The following TFCP2L1 variants were observed in gnomAD, a reference collection of about 807,000 sequenced individuals.
TFCP2L1 encodes the protein transcription factor CP2 like 1.
A neutral mutation model predicts 72.2 loss-of-function variants in TFCP2L1; 12 were observed. That is an observed-to-expected ratio of 0.17 (90% CI 0.11 to 0.27). The LOEUF is 0.27. TFCP2L1 is among the 10% of genes least tolerant of loss of function. The probability of loss-of-function intolerance (pLI) is 1.00; values close to 1 mark genes in which losing one functional copy is unlikely to be tolerated. For missense variants in TFCP2L1, 488 were observed against 624.6 expected (o/e 0.78, Z 2.33); for synonymous variants, 260 against 251.0 (o/e 1.04, Z -0.34).
chr2:121,228,306 G>A (rs1686071912), intron 13 of TFCP2L1, among the ~76,000 whole-genome samples: 1 of 152,170 alleles, frequency 6.6e-6, no homozygotes, highest in South Asian at 2.1e-4. Context: ...CTTCACAAAA[G>A]GAAATTCATT....
intron 6 of TFCP2L1, among the ~76,000 whole-genome samples, chr2:121,244,184 C>T (rs990924180): frequency 6.6e-6 from 1 of 152,176 alleles, no homozygotes; most frequent in Non-Finnish European, 1.5e-5. Flanking sequence ...AGACCATGGC[C>T]GAGCCTGCAT....
At chr2:121,256,497 G>T (rs1686722623) in intron 2 of TFCP2L1, among the ~76,000 whole-genome samples, 1 of 152,144 alleles carries the variant, frequency 6.6e-6, no homozygotes, top group Non-Finnish European at 1.5e-5. Context: ...AGGTGGGCAG[G>T]CCGGGCACAG....
intron 12 of TFCP2L1, among the ~76,000 whole-genome samples, chr2:121,233,467 C>G (rs918942156): frequency 1.1e-4 from 16 of 152,152 alleles, no homozygotes; most frequent in African/African-American, 3.9e-4. Context: ...GCCCAGCCTA[C>G]TTTTTCAATA....
intron 10 of TFCP2L1, among the ~76,000 whole-genome samples, chr2:121,235,766 C>T (rs908367908): frequency 2.0e-5 from 3 of 151,446 alleles, no homozygotes; most frequent in African/African-American, 7.3e-5. Context: ...TAGATGTCAT[C>T]AGCACAGGGC....
intron 6 of TFCP2L1, among the ~76,000 whole-genome samples, chr2:121,243,087 G>C (rs924816670): frequency 2.0e-5 from 3 of 152,248 alleles, no homozygotes; most frequent in East Asian, 3.9e-4. Flanking sequence ...ATCCAAGTGA[G>C]AGTGGCCAAG....
At chr2:121,239,193 C>T (rs776875018) in intron 8 of TFCP2L1, among the ~76,000 whole-genome samples, 1 of 152,128 alleles carries the variant, frequency 6.6e-6, no homozygotes, top group Non-Finnish European at 1.5e-5. Flanking sequence ...CACTCAGTGA[C>T]CATGCTGGAC....
chr2:121,266,688 G>T (rs1686936690), intron 2 of TFCP2L1, among the ~76,000 whole-genome samples: 1 of 152,104 alleles, frequency 6.6e-6, no homozygotes, highest in African/African-American at 2.4e-5. Context: ...CTCAATCGAG[G>T]AAGTCTATCA....
At position 121,216,686 on chromosome 2, in the gene TFCP2L1, T is replaced by C. The variant is rs557923706; in HGVS notation, c.*7655A>G. On this transcript the variant is annotated 3_prime_UTR_variant, in exon 15 of 15. Coordinates refer to ENST00000263707, the MANE Select transcript of TFCP2L1 (RefSeq NM_014553.3). ...ATGGTACAGTAACAAGTGCAAAATA[T>C]GCTTTATTTCAGGTACAAAAACATG... The C allele has an allele frequency of 6.6e-6, 1 of 152,270 alleles. No individual in the cohort carries two copies. Among genetic ancestry groups the C allele is most frequent in the Admixed American group, 6.5e-5 (1 of 15,276 alleles). The allele number at this position is 152,270 out of a possible 1,614,324, so 9.4% of individuals were successfully genotyped here.
At chr2:121,262,902 T>A in intron 2 of TFCP2L1, among the ~76,000 whole-genome samples, 1 of 152,190 alleles carries the variant, frequency 6.6e-6, no homozygotes, top group Non-Finnish European at 1.5e-5. Context: ...GCTCTCATAC[T>A]GGGAATATTA....
rs549495609 is a variant in TFCP2L1 at position 121,251,913 on chromosome 2, G to A, written c.215-2266C>T. Among the ~76,000 whole-genome samples, 12 of 152,246 alleles carry A rather than the reference G, an allele frequency of 7.9e-5. 1 individual carries two copies. The South Asian group carries it at 2.3e-3, about 29-fold the overall frequency. On this transcript the variant is annotated intron_variant, in intron 2 of 14. Transcript: ENST00000263707. ...CCTAAAACCAATGGAAAGGACATCT[G>A]GCTATATAAAATTTAAAATTACTTC...
Position 121,248,361 on chromosome 2 carries a change from C to T in TFCP2L1, c.398-91G>A, listed in dbSNP as rs757839398. ...CCCCTGTTACAGGTCCCAATTCCTT[C>T]GCCCCAATTTGCAATGCCAAAAGCT... On this transcript the variant is annotated intron_variant, in intron 4 of 14. Coordinates refer to ENST00000263707, the MANE Select transcript of TFCP2L1 (RefSeq NM_014553.3). The T allele has an allele frequency of 1.8e-5, 19 of 1,042,724 alleles. 1 individual carries two copies. The highest frequency in any genetic ancestry group is 1.2e-4 in the South Asian group (7 of 59,230). 64.6% of individuals were successfully genotyped at this position (1,042,724 alleles called of 1,614,324 possible). A position where few individuals can be genotyped will look rare whatever the true frequency, so the allele number is the denominator to read the frequency against.
chr2:121,231,297 T>C (rs1369184190), intron 13 of TFCP2L1, among the ~76,000 whole-genome samples: 1 of 152,244 alleles, frequency 6.6e-6, no homozygotes, highest in African/African-American at 2.4e-5. Flanking sequence ...ACCCGCTTCT[T>C]AGCCATGAGC....
At chr2:121,226,074 G>A (rs1315119466) in intron 13 of TFCP2L1, among the ~76,000 whole-genome samples, 2 of 144,000 alleles carry the variant, frequency 1.4e-5, no homozygotes, top group Non-Finnish European at 3.0e-5. Flanking sequence ...CTACACACAC[G>A]GGAACACGGT....
At chr2:121,230,660 C>G (rs1220182369) in intron 13 of TFCP2L1, among the ~76,000 whole-genome samples, 1 of 151,986 alleles carries the variant, frequency 6.6e-6, no homozygotes, top group Non-Finnish European at 1.5e-5. Context: ...GTAGTTCCAG[C>G]TACTTAGGAG....
rs1185645901 is a variant in TFCP2L1 at position 121,223,512 on chromosome 2, T to G, written c.*829A>C. 3 of 152,186 alleles carry G rather than the reference T, an allele frequency of 2.0e-5. No individual in the cohort carries two copies. The highest frequency in any genetic ancestry group is 4.4e-5 in the Non-Finnish European group (3 of 68,050). The allele number at this position is 152,186 out of a possible 1,614,324, so 9.4% of individuals were successfully genotyped here. A position where few individuals can be genotyped will look rare whatever the true frequency, so the allele number is the denominator to read the frequency against. ...AAGGTCATCTGATGACACCTAGGAA[T>G]GGAATACTCATTCCTAATCCTCCTT... On this transcript the variant is annotated 3_prime_UTR_variant, in exon 15 of 15. Coordinates refer to ENST00000263707, the MANE Select transcript of TFCP2L1 (RefSeq NM_014553.3).
intron 5 of TFCP2L1, among the ~76,000 whole-genome samples, chr2:121,247,786 T>C (rs374229604): frequency 6.6e-6 from 1 of 151,822 alleles, no homozygotes; most frequent in Non-Finnish European, 1.5e-5. Flanking sequence ...TGATCTCACA[T>C]GGCATATAAC....
chr2:121,234,977 A>G (rs1686214991), intron 11 of TFCP2L1, among the ~76,000 whole-genome samples: 1 of 152,218 alleles, frequency 6.6e-6, no homozygotes, highest in Non-Finnish European at 1.5e-5. Context: ...TCCAACCAAG[A>G]AGAGGGAGGG....
At chr2:121,274,292 C>CA (rs1687103704) in intron 2 of TFCP2L1, among the ~76,000 whole-genome samples, 1 of 151,990 alleles carries the variant, frequency 6.6e-6, no homozygotes, top group Non-Finnish European at 1.5e-5. Flanking sequence ...AGGCACTCAG[C>CA]TTAATACTGA....
chr2:121,240,655 A>T, intron 7 of TFCP2L1: 1 of 985,382 alleles, frequency 1.0e-6, no homozygotes, highest in Non-Finnish European at 1.2e-6. Flanking sequence ...CTCTCTTCCC[A>T]GGGGCAGTCA....
Sources: allele counts gnomAD v4.1 joint callset (sites outside exome capture counted in the v4.1 genomes callset), GRCh38; gene constraint gnomAD v4.1.1; transcripts MANE v1.5; gene names NCBI Gene and HGNC (gene_info 2026-07-23, HGNC 2026-07-21).